GRM8: variants seen among roughly 807,000 people sequenced by gnomAD.
GRM8 encodes glutamate metabotropic receptor 8, also known as metabotropic glutamate receptor 8.
Under a neutral mutation model 87.2 loss-of-function variants are expected in GRM8, and 47 were observed. That is an observed-to-expected ratio of 0.54 (90% CI 0.43 to 0.69). The LOEUF is 0.69. Ranked by LOEUF, GRM8 falls within the 30% of genes least tolerant of loss-of-function variation. The probability of loss-of-function intolerance (pLI) is 0.00; values close to 1 mark genes in which losing one functional copy is unlikely to be tolerated. For synonymous variants in GRM8, 396 were observed against 404.5 expected, an observed-to-expected ratio of 0.98 and a Z score of 0.25; for missense variants, 1,019 against 1,139.2, an observed-to-expected ratio of 0.89 and a Z score of 1.52.
At chr7:127,160,531 G>GCA (rs1016535552) in intron 2 of GRM8, among the ~76,000 whole-genome samples, 4 of 147,694 alleles carry the variant, frequency 2.7e-5, no homozygotes, top group South Asian at 2.1e-4. Flanking sequence ...TCCATCACGC[G>GCA]CGCGCACACA....
chr7:126,465,852 A>G (rs1276672258), intron 9 of GRM8, among the ~76,000 whole-genome samples: 2 of 151,840 alleles, frequency 1.3e-5, no homozygotes, highest in African/African-American at 4.8e-5. Context: ...AACAGAAATT[A>G]TTTTCAGTAT....
intron 9 of GRM8, among the ~76,000 whole-genome samples, chr7:126,505,101 C>T (rs894035861): frequency 1.3e-5 from 2 of 151,948 alleles, no homozygotes; most frequent in African/African-American, 4.8e-5. Flanking sequence ...ACCAATTAGG[C>T]TACATATTGA....
chr7:127,201,547 C>T (rs964932361), intron 2 of GRM8, among the ~76,000 whole-genome samples: 1 of 152,190 alleles, frequency 6.6e-6, no homozygotes, highest in African/African-American at 2.4e-5. Context: ...ATTAAAGGAT[C>T]AACCGGAGAG....
At chr7:126,741,952 T>C (rs968977599) in intron 7 of GRM8, among the ~76,000 whole-genome samples, 1 of 152,022 alleles carries the variant, frequency 6.6e-6, no homozygotes, top group African/African-American at 2.4e-5. Flanking sequence ...ATTACAGTCA[T>C]CCATCCCTCT....
At chr7:127,232,229 GAGAGAGAGAGAC>G (rs1587342446) in intron 2 of GRM8, among the ~76,000 whole-genome samples, 1 of 151,608 alleles carries the variant, frequency 6.6e-6, no homozygotes, top group East Asian at 1.9e-4. Context: ...GAGAGAGAGA[GAGAGAGAGAGAC>G]AGACAGACAG....
chr7:126,622,748 C>T (rs897465687), intron 7 of GRM8, among the ~76,000 whole-genome samples: 3 of 152,198 alleles, frequency 2.0e-5, no homozygotes, highest in Admixed American at 6.5e-5. Flanking sequence ...AAATCCGTTA[C>T]TCTATCCCCA....
intron 2 of GRM8, among the ~76,000 whole-genome samples, chr7:127,147,361 G>C (rs1828609762): frequency 6.6e-6 from 1 of 152,076 alleles, no homozygotes. Flanking sequence ...CACTGATAGA[G>C]AGTGGGAAGC....
At chr7:126,764,827 T>A (rs928145421) in intron 7 of GRM8, among the ~76,000 whole-genome samples, 5 of 152,182 alleles carry the variant, frequency 3.3e-5, no homozygotes, top group Admixed American at 1.3e-4. Context: ...TTATCACAGA[T>A]CCTTCCTGAT....
chr7:126,870,666 A>T (rs1242934503), intron 6 of GRM8: 1 of 152,174 alleles, frequency 6.6e-6, no homozygotes, highest in Non-Finnish European at 1.5e-5. Context: ...TCTCAACCAG[A>T]GATAGGGTTC....
chr7:127,006,517 C>A (rs1248339191), intron 3 of GRM8, among the ~76,000 whole-genome samples: 2 of 152,034 alleles, frequency 1.3e-5, no homozygotes, highest in Non-Finnish European at 1.5e-5. Context: ...CCACTACTCC[C>A]ATGAACTGTT....
chr7:126,748,965 C>A (rs993058630), intron 7 of GRM8, among the ~76,000 whole-genome samples: 1 of 152,042 alleles, frequency 6.6e-6, no homozygotes, highest in East Asian at 1.9e-4. Context: ...CACCTCTTAT[C>A]ATATTTTAAA....
At chr7:126,997,360 C>T (rs116580739) in intron 3 of GRM8, among the ~76,000 whole-genome samples, 1,538 of 151,394 alleles carry the variant, frequency 0.01, 30 homozygotes, top group African/African-American at 0.035. Context: ...CTTAAACAGC[C>T]TGATGATGCA....
chr7:126,772,026 A>G (rs1585870191), intron 6 of GRM8, among the ~76,000 whole-genome samples: 2 of 152,110 alleles, frequency 1.3e-5, no homozygotes, highest in South Asian at 4.1e-4. Flanking sequence ...TGTGAAAACA[A>G]CCCTTTCCAC....
chr7:126,849,266 G>C (rs1796984674), intron 6 of GRM8, among the ~76,000 whole-genome samples: 1 of 152,128 alleles, frequency 6.6e-6, no homozygotes, highest in Non-Finnish European at 1.5e-5. Context: ...TGTTGGTCTA[G>C]TTTTGATGAG....
chr7:127,182,635 GTGTGTGTGTGT>G (rs1563563599), intron 2 of GRM8, among the ~76,000 whole-genome samples: 2 of 9,310 alleles, frequency 2.1e-4, no homozygotes, highest in African/African-American at 2.4e-3. Flanking sequence ...AAAGTGTGGT[GTGTGTGTGTGT>G]GTGTGTGTGT....
chr7:126,651,793 T>C (rs2151246853), intron 7 of GRM8, among the ~76,000 whole-genome samples: 1 of 152,278 alleles, frequency 6.6e-6, no homozygotes, highest in East Asian at 1.9e-4. Flanking sequence ...AAGAAGAGTA[T>C]GCATGGAATA....
intron 3 of GRM8, among the ~76,000 whole-genome samples, chr7:127,047,456 TTC>T (rs1819044854): frequency 1.3e-5 from 2 of 152,184 alleles, no homozygotes; most frequent in African/African-American, 4.8e-5. Context: ...ATGTTTACAT[TTC>T]TCTCTTTCCT....
At position 126,804,272 on chromosome 7, in the gene GRM8, A is replaced by G. The variant is rs1792422519; in HGVS notation, c.1157-34207T>C. The stretch of plus-strand genomic sequence containing the variant: ...ACTACTTTAAGGAAAGCTCTTACTT[A>G]GCAGGATCACTTCTTTTCGTTATCT... On this transcript the variant is annotated intron_variant, in intron 6 of 10. Transcript: ENST00000339582. 2.0e-5 allele frequency among the ~76,000 whole-genome samples: 3 copies of G among 152,214 alleles called. No individual in the cohort carries two copies. In the South Asian group the frequency reaches 6.2e-4, roughly 32 times the overall value.
chr7:127,126,662 T>G (rs939009868), intron 2 of GRM8, among the ~76,000 whole-genome samples: 1 of 151,808 alleles, frequency 6.6e-6, no homozygotes, highest in African/African-American at 2.4e-5. Flanking sequence ...AAAACTTAAG[T>G]GAAAATTTTC....
Sources: allele counts gnomAD v4.1 joint callset (sites outside exome capture counted in the v4.1 genomes callset), GRCh38; gene constraint gnomAD v4.1.1; transcripts MANE v1.5; gene names NCBI Gene and HGNC (gene_info 2026-07-23, HGNC 2026-07-21).